STK33: variants seen among roughly 807,000 people sequenced by gnomAD.
STK33 encodes the protein serine/threonine-protein kinase 33.
A neutral mutation model predicts 58.0 loss-of-function variants in STK33; 52 were observed. That is an observed-to-expected ratio of 0.90 (90% CI 0.72 to 1.13). The LOEUF is 1.13. STK33 is among the 50% of genes most tolerant of loss of function. STK33 has a pLI of 0.00. For synonymous variants in STK33, 215 were observed against 200.1 expected, an observed-to-expected ratio of 1.07 and a Z score of -0.63; for missense variants, 630 against 604.2, an observed-to-expected ratio of 1.04 and a Z score of -0.45.
chr11:8,532,159 G>A (rs1330153788), intron 1 of STK33, among the ~76,000 whole-genome samples: 4 of 152,178 alleles, frequency 2.6e-5, no homozygotes, highest in Non-Finnish European at 5.9e-5. Context: ...CTGTAAGTTC[G>A]GAGTACAGAA....
the STK33 span, among the ~76,000 whole-genome samples, chr11:8,335,315 GGAA>G: frequency 6.6e-6 from 1 of 152,160 alleles, no homozygotes; most frequent in Non-Finnish European, 1.5e-5. Flanking sequence ...TTCAGAGAGG[GGAA>G]GAAGGAAACT....
intron 14 of STK33, among the ~76,000 whole-genome samples, chr11:8,417,091 G>C (rs1410453606): frequency 6.6e-6 from 1 of 152,136 alleles, no homozygotes; most frequent in Non-Finnish European, 1.5e-5. Flanking sequence ...AGACACTGTA[G>C]ATGTACATGT....
intron 1 of STK33, among the ~76,000 whole-genome samples, chr11:8,517,875 GA>G (rs1417359038): frequency 6.6e-6 from 1 of 152,168 alleles, no homozygotes; most frequent in African/African-American, 2.4e-5. Context: ...TGGTGTACCT[GA>G]AAGTGAAGGG....
rs10769906 is a variant in STK33, at chr11:8,420,607, T to A, written c.1147-6915A>T. On this transcript the variant is annotated intron_variant, in intron 14 of 15. Transcript: ENST00000687296. ...TTTTCCTCCTTCTTGTCTTCCTGCC[T>A]TCTATCACCTGAGGTGACTGCTATC... Among the ~76,000 whole-genome samples, 75 of 152,194 alleles carry A rather than the reference T, an allele frequency of 4.9e-4. No individual in the cohort carries two copies. The East Asian group carries it at 0.012, about 25-fold the overall frequency.
chr11:8,446,676 C>G (rs533895704), intron 11 of STK33, among the ~76,000 whole-genome samples: 2 of 152,266 alleles, frequency 1.3e-5, no homozygotes, highest in African/African-American at 2.4e-5. Context: ...TATCTACAAC[C>G]ATCTGATCTT....
intron 1 of STK33, among the ~76,000 whole-genome samples, chr11:8,589,882 C>T (rs2032318850): frequency 6.6e-6 from 1 of 152,054 alleles, no homozygotes; most frequent in Non-Finnish European, 1.5e-5. Context: ...ATTGGATTTC[C>T]ATGAAAAATA....
chr11:8,386,265 G>C, the STK33 span, among the ~76,000 whole-genome samples: 1 of 152,208 alleles, frequency 6.6e-6, no homozygotes. Context: ...ACACAGTAAT[G>C]AAGCCTGGTC....
chr11:8,587,351 G>T (rs980752514), intron 1 of STK33, among the ~76,000 whole-genome samples: 13 of 152,122 alleles, frequency 8.5e-5, no homozygotes, highest in African/African-American at 2.7e-4. Context: ...CTGGGAAATT[G>T]TAATTATAAG....
intron 1 of STK33, among the ~76,000 whole-genome samples, chr11:8,577,827 G>C (rs889029481): frequency 1.3e-5 from 2 of 151,966 alleles, no homozygotes; most frequent in Admixed American, 6.6e-5. Context: ...ACCTCCTTTT[G>C]CCCATTTTCT....
At chr11:8,519,746 A>G (rs1404640096) in intron 1 of STK33, among the ~76,000 whole-genome samples, 2 of 152,152 alleles carry the variant, frequency 1.3e-5, no homozygotes, top group Non-Finnish European at 2.9e-5. Context: ...AATCTAGACG[A>G]AATGGATAAA....
intron 7 of STK33, among the ~76,000 whole-genome samples, chr11:8,463,750 T>C (rs1947846559): frequency 6.6e-6 from 1 of 152,196 alleles, no homozygotes; most frequent in African/African-American, 2.4e-5. Context: ...TCAACATCAA[T>C]ATAAATATGA....
intron 1 of STK33, among the ~76,000 whole-genome samples, chr11:8,543,913 A>G (rs1428800609): frequency 2.0e-5 from 3 of 152,196 alleles, no homozygotes; most frequent in African/African-American, 7.2e-5. Context: ...GAAAACACTC[A>G]TTGTGTGAGA....
chr11:8,399,936 C>G (rs944647441), intron 15 of STK33, among the ~76,000 whole-genome samples: 14 of 152,198 alleles, frequency 9.2e-5, no homozygotes, highest in East Asian at 5.8e-4. Flanking sequence ...TTGAATCTCT[C>G]AATAGACCAA....
At chr11:8,394,768 GAAAACTAAACA>G (rs961644826) in intron 15 of STK33, among the ~76,000 whole-genome samples, 6 of 152,120 alleles carry the variant, frequency 3.9e-5, no homozygotes, top group Non-Finnish European at 5.9e-5. Flanking sequence ...GAAGGAAAAA[GAAAACTAAACA>G]ATGTTTAGTT....
chr11:8,460,678 A>C (rs1947409498), intron 8 of STK33, among the ~76,000 whole-genome samples: 1 of 152,042 alleles, frequency 6.6e-6, no homozygotes. Context: ...CAAGTCCATG[A>C]ACCCCGAACA....
chr11:8,441,621 AG>A (rs1265625627), intron 11 of STK33, among the ~76,000 whole-genome samples: 1 of 152,154 alleles, frequency 6.6e-6, no homozygotes, highest in African/African-American at 2.4e-5. Flanking sequence ...CCTCCTGAAT[AG>A]GTGGGATTAG....
At chr11:8,556,111 G>C (rs1956727874) in intron 1 of STK33, among the ~76,000 whole-genome samples, 1 of 152,172 alleles carries the variant, frequency 6.6e-6, no homozygotes, top group African/African-American at 2.4e-5. Flanking sequence ...TGTTGGCCAA[G>C]AGAGTACCTC....
In STK33 at chr11:8,404,497, T is replaced by C. The variant is rs1938725125; in HGVS notation, c.1344+8998A>G. ...CAACATAAATTAGCTTTGCCTTTTC[T>C]AAACTTCATATACATGAAAAAGAAT... is the stretch of plus-strand genomic sequence containing the variant. On this transcript the variant is annotated intron_variant, in intron 15 of 15. Transcript: ENST00000687296. 1.3e-5 allele frequency among the ~76,000 whole-genome samples: 2 copies of C among 152,226 alleles called. 1 individual carries two copies. Among genetic ancestry groups the C allele is most frequent in the South Asian group, 4.1e-4 (2 of 4,828 alleles).
intron 2 of STK33, among the ~76,000 whole-genome samples, chr11:8,478,582 C>G (rs1949501767): frequency 6.6e-6 from 1 of 152,114 alleles, no homozygotes; most frequent in Non-Finnish European, 1.5e-5. Flanking sequence ...GATACACTTA[C>G]AGCAATTTCC....
Sources: allele counts gnomAD v4.1 joint callset (sites outside exome capture counted in the v4.1 genomes callset), GRCh38; gene constraint gnomAD v4.1.1; transcripts MANE v1.5; gene names NCBI Gene and HGNC (gene_info 2026-07-23, HGNC 2026-07-21).